MYO1D: variants seen among roughly 807,000 people sequenced by gnomAD.
The protein encoded by MYO1D is myosin ID.
Under a neutral mutation model 122.0 loss-of-function variants are expected in MYO1D, and 83 were observed. The ratio of observed to expected loss-of-function variants is 0.68; its 90% CI spans 0.57 to 0.82. The LOEUF (loss-of-function observed/expected upper bound fraction) is 0.82, where lower values mean the gene tolerates loss of function less well. Ranked by LOEUF, MYO1D falls within the 40% of genes least tolerant of loss-of-function variation. The pLI is 0.00. For missense variants in MYO1D, 1,157 were observed against 1,269.5 expected (o/e 0.91, Z 1.35); for synonymous variants, 464 against 446.9 (o/e 1.04, Z -0.48).
chr17:32,858,726 TATTA>T (rs937388573), intron 1 of MYO1D, among the ~76,000 whole-genome samples: 17 of 152,232 alleles, frequency 1.1e-4, no homozygotes, highest in African/African-American at 4.1e-4. Context: ...TTTTCTTTGG[TATTA>T]ATTAATTGAA....
In MYO1D at chr17:32,867,977, T is replaced by C. The variant is rs78610366; in HGVS notation, c.95+8801A>G. Among the ~76,000 whole-genome samples, 172 of 151,958 alleles carry C rather than the reference T, an allele frequency of 1.1e-3. 1 individual carries two copies. In the South Asian group the frequency reaches 0.011, roughly 10 times the overall value. Reference sequence around the variant, plus strand: ...TTACCTAGCAATAGTGCCTAGATGTTACAAACCTTCACGGAGGCTGAGAAC... The same window carrying C: ...TTACCTAGCAATAGTGCCTAGATGTCACAAACCTTCACGGAGGCTGAGAAC... On this transcript the variant is annotated intron_variant, in intron 1 of 21. Transcript: ENST00000318217.
At chr17:32,663,899 T>C (rs2088603809) in intron 16 of MYO1D, among the ~76,000 whole-genome samples, 1 of 152,224 alleles carries the variant, frequency 6.6e-6, no homozygotes, top group Non-Finnish European at 1.5e-5. Flanking sequence ...TTCTTTCAAT[T>C]TGGCCCAAGT....
At chr17:32,763,888 C>G (rs943234564) in intron 8 of MYO1D, among the ~76,000 whole-genome samples, 1 of 152,090 alleles carries the variant, frequency 6.6e-6, no homozygotes, top group Admixed American at 6.6e-5. Context: ...CCACTGCACT[C>G]CAGCCTGGAT....
At chr17:32,755,453 TCA>T in intron 11 of MYO1D, 37 bp downstream of exon 11, 1 of 1,593,404 alleles carries the variant, frequency 6.3e-7, no homozygotes, top group South Asian at 1.1e-5. Context: ...AAGGAGAACC[TCA>T]CAGATAAAAG....
intron 13 of MYO1D, among the ~76,000 whole-genome samples, chr17:32,742,679 C>T (rs974919207): frequency 6.6e-5 from 10 of 152,192 alleles, no homozygotes; most frequent in African/African-American, 2.2e-4. Context: ...CATTGAAATT[C>T]CCTTCTGAAA....
chr17:32,849,035 C>T (rs2090962151), intron 1 of MYO1D, among the ~76,000 whole-genome samples: 1 of 152,124 alleles, frequency 6.6e-6, no homozygotes, highest in South Asian at 2.1e-4. Context: ...CACAAAATCC[C>T]TTAAAAATTA....
At chr17:32,576,304 T>C (rs1047452955) in intron 21 of MYO1D, among the ~76,000 whole-genome samples, 3 of 152,212 alleles carry the variant, frequency 2.0e-5, no homozygotes, top group Admixed American at 2.0e-4. Flanking sequence ...CCTGACCTTA[T>C]TTCTCTATCT....
In MYO1D at chr17:32,780,699, C is replaced by A. The variant is rs776304231; in HGVS notation, c.181G>T (p.Asp61Tyr). 3.1e-6 allele frequency: 5 copies of A among 1,614,072 alleles called. No homozygotes were observed. The African/African-American group carries it at 6.7e-5, about 22-fold the overall frequency. Residue 61 changes from aspartate (D) to tyrosine (Y), a missense_variant, in exon 2 of 22, where the codon GAC (aspartate) becomes TAC (tyrosine). Asp to Tyr is a radical substitution (Grantham distance 160). Coordinates refer to ENST00000318217, the MANE Select transcript of MYO1D (RefSeq NM_015194.3). ...PYKLLNIYGR[D>Y]TIEQYKGREL... ...CGGCCTTTATACTGCTCAATTGTGT[C>A]TCTTCCATAGATGTTCAACAACTTG...
At chr17:32,720,355 T>G (rs749452891) in intron 15 of MYO1D, among the ~76,000 whole-genome samples, 3 of 152,212 alleles carry the variant, frequency 2.0e-5, no homozygotes, top group Non-Finnish European at 4.4e-5. Flanking sequence ...TATTATCTTA[T>G]TTAACCCTCT....
intron 21 of MYO1D, among the ~76,000 whole-genome samples, chr17:32,581,478 C>T (rs186000700): frequency 6.6e-6 from 1 of 151,624 alleles, no homozygotes; most frequent in East Asian, 1.9e-4. Context: ...CTAGTTCCTT[C>T]CTTCCTTCCT....
intron 2 of MYO1D, 106 bp downstream of exon 2, chr17:32,780,470 G>A: frequency 8.5e-7 from 1 of 1,170,298 alleles, no homozygotes; most frequent in Admixed American, 1.8e-5. Context: ...GAATTGCTCA[G>A]GCTTCTACCT....
At chr17:32,680,916 C>T (rs1352091464) in intron 16 of MYO1D, among the ~76,000 whole-genome samples, 1 of 152,066 alleles carries the variant, frequency 6.6e-6, no homozygotes, top group Non-Finnish European at 1.5e-5. Context: ...TTGATTATTG[C>T]CACAATTTCA....
intron 21 of MYO1D, among the ~76,000 whole-genome samples, chr17:32,581,767 GTA>G (rs1371349987): frequency 3.5e-5 from 5 of 142,006 alleles, no homozygotes; most frequent in Admixed American, 7.2e-5. Flanking sequence ...GTGTGTGTGT[GTA>G]TGTGTGTGTG....
intron 16 of MYO1D, among the ~76,000 whole-genome samples, chr17:32,676,179 G>A (rs1412099631): frequency 1.3e-5 from 2 of 151,846 alleles, no homozygotes; most frequent in Non-Finnish European, 2.9e-5. Flanking sequence ...TTGTATTTTC[G>A]GCTGCCACAC....
intron 8 of MYO1D, 87 bp from the exon 9 acceptor site, chr17:32,760,714 ACC>A: frequency 1.5e-6 from 2 of 1,350,128 alleles, no homozygotes; most frequent in Non-Finnish European, 2.0e-6. Flanking sequence ...ATTCCTGTCC[ACC>A]TTCTCACTGT....
At chr17:32,565,925 A>G (rs1008937368) in intron 21 of MYO1D, among the ~76,000 whole-genome samples, 1 of 151,998 alleles carries the variant, frequency 6.6e-6, no homozygotes, top group Non-Finnish European at 1.5e-5. Flanking sequence ...GGGTTTCGCC[A>G]TGTTGGCCAG....
intron 21 of MYO1D, among the ~76,000 whole-genome samples, chr17:32,578,920 T>C (rs1567896454): frequency 6.6e-6 from 1 of 152,210 alleles, no homozygotes; most frequent in Non-Finnish European, 1.5e-5. Flanking sequence ...CTCATTTACA[T>C]TCCCTTCAAG....
At chr17:32,791,908 G>C (rs1218911585) in intron 1 of MYO1D, among the ~76,000 whole-genome samples, 1 of 152,084 alleles carries the variant, frequency 6.6e-6, no homozygotes, top group Non-Finnish European at 1.5e-5. Context: ...ACTGCTGCTG[G>C]TTTCCTGTGA....
chr17:32,644,486 G>A (rs966840496), intron 19 of MYO1D, among the ~76,000 whole-genome samples: 3 of 152,204 alleles, frequency 2.0e-5, no homozygotes, highest in South Asian at 2.1e-4. Flanking sequence ...TTTCTGTCTC[G>A]TTGATCTGTC....
Sources: gnomAD v4.1 joint callset for allele counts (sites outside exome capture counted in the v4.1 genomes callset) on GRCh38, gnomAD v4.1.1 for gene constraint, MANE v1.5 for transcripts, NCBI Gene and HGNC (gene_info 2026-07-23, HGNC 2026-07-21) for gene names.